The following ZNF564 variants were observed in gnomAD, a reference collection of about 807,000 sequenced individuals.
ZNF564 encodes the protein zinc finger protein 564.
ZNF564 carries 5 observed loss-of-function variants against 10.5 expected under a neutral mutation model. That is an observed-to-expected ratio of 0.48 (90% CI 0.25 to 1.00). The LOEUF (loss-of-function observed/expected upper bound fraction) is 1.00. Ranked by LOEUF, ZNF564 falls within the 50% of genes least tolerant of loss-of-function variation. The pLI is 0.16. For synonymous variants in ZNF564, 242 were observed against 218.1 expected (o/e 1.11, Z -0.97); for missense variants, 603 against 669.7 (o/e 0.90, Z 1.10).
chr19:12,536,349 G>A (rs1459246964), intron 1 of ZNF564, among the ~76,000 whole-genome samples: 1 of 152,050 alleles, frequency 6.6e-6, no homozygotes, highest in East Asian at 1.9e-4. Context: ...GGAAATTTTT[G>A]TATTTTTTGT....
At chr19:12,540,221 A>G (rs1418198002) in intron 1 of ZNF564, among the ~76,000 whole-genome samples, 1 of 152,198 alleles carries the variant, frequency 6.6e-6, no homozygotes, top group East Asian at 1.9e-4. Context: ...CAAGTGGGGC[A>G]TGTGGTGAGA....
chr19:12,531,687 A>G (rs926974208), intron 1 of ZNF564, among the ~76,000 whole-genome samples: 1 of 152,190 alleles, frequency 6.6e-6, no homozygotes, highest in African/African-American at 2.4e-5. Flanking sequence ...CTAACAAATC[A>G]TATGATTACA....
At chr19:12,549,953 T>C (rs1293654256) in intron 1 of ZNF564, among the ~76,000 whole-genome samples, 2 of 152,172 alleles carry the variant, frequency 1.3e-5, no homozygotes, top group East Asian at 3.8e-4. Context: ...ACATTCTGAT[T>C]AGGCGTCGGG....
intron 1 of ZNF564, among the ~76,000 whole-genome samples, chr19:12,543,355 G>A (rs118067698): frequency 0.054 from 8,029 of 149,144 alleles, 238 homozygotes; most frequent in African/African-American, 0.077. Flanking sequence ...AAGGGGAAGG[G>A]GAAGGGGAAA....
chr19:12,533,421 T>A (rs2021846094), intron 1 of ZNF564, among the ~76,000 whole-genome samples: 1 of 152,200 alleles, frequency 6.6e-6, no homozygotes, highest in South Asian at 2.1e-4. Flanking sequence ...GGGTTTATAA[T>A]GAATCATCTA....
Position 12,526,997 on chromosome 19 carries a change from C to T in ZNF564, c.1111G>A (p.Gly371Arg), listed in dbSNP as rs768579080. Reference sequence around the variant, plus strand: ...CTTGGGAGAGAAATGAAGGCTTTCCCGCATTCCTTACATTCATAGGGCTTC... The same window carrying T: ...CTTGGGAGAGAAATGAAGGCTTTCCTGCATTCCTTACATTCATAGGGCTTC... ...GEKPYECKEC[G>R]KAFISLPSVR... Residue 371 changes from glycine (G) to arginine (R), a missense_variant, in exon 4 of 4, where the codon GGG becomes AGG. Physicochemically the swap from Gly to Arg is moderately radical, Grantham distance 125. Transcript: ENST00000339282. The T allele has an allele frequency of 3.2e-5, 52 of 1,613,742 alleles. No individual in the cohort carries two copies. The East Asian group carries it at 3.6e-4, about 11-fold the overall frequency.
Position 12,528,327 on chromosome 19 carries a change from GTACC to G in ZNF564, c.164_167del (p.Trp55SerfsTer8). ...ACCTTAAAATTCTCCCCTGATTTTT[GTACC>G]AATCTTCAATGCTCTGGTCTTCCCA... On this transcript the variant is annotated frameshift_variant, in exon 3 of 4. Coordinates refer to ENST00000339282, the MANE Select transcript of ZNF564 (RefSeq NM_144976.4). LOFTEE classifies it low-confidence loss of function (END_TRUNC). 1 of 1,610,124 alleles carries G rather than the reference GTACC, an allele frequency of 6.2e-7. No homozygotes were observed. Among genetic ancestry groups the G allele is most frequent in the Non-Finnish European group, 8.5e-7 (1 of 1,179,154 alleles).
In ZNF564 at chr19:12,526,786, A is replaced by C; in HGVS notation, c.1322T>G (p.Ile441Arg). Reference protein sequence around the residue: ...ISLKRIRKHMILHTGDGPYKC... With the variant: ...ISLKRIRKHMRLHTGDGPYKC... ...ATAAGGTCCATCTCCAGTGTGCAGT[A>C]TCATATGTTTTCTAATCCTTTTAAG... Residue 441 changes from isoleucine (I) to arginine (R), a missense_variant, in exon 4 of 4, where the codon ATA becomes AGA. By Grantham distance (97) the Ile-to-Arg change is moderately conservative. Transcript: ENST00000339282. 1 of 1,614,096 alleles carries C rather than the reference A, an allele frequency of 6.2e-7. No individual in the cohort carries two copies. The highest frequency in any genetic ancestry group is 8.5e-7 in the Non-Finnish European group (1 of 1,180,018).
chr19:12,529,135 T>A (rs1319166705), intron 1 of ZNF564, among the ~76,000 whole-genome samples: 1 of 152,188 alleles, frequency 6.6e-6, no homozygotes, highest in South Asian at 2.1e-4. Flanking sequence ...ATTTATTTTA[T>A]GATAAATAAA....
intron 1 of ZNF564, among the ~76,000 whole-genome samples, chr19:12,530,868 G>A (rs146875740): frequency 0.013 from 1,935 of 152,258 alleles, 13 homozygotes; most frequent in Middle Eastern, 0.027. Context: ...CTGGGCTCAT[G>A]TGATCCTCCC....
At position 12,527,678 on chromosome 19, in the gene ZNF564, T is replaced by C; in HGVS notation, c.430A>G (p.Lys144Glu). The C allele has an allele frequency of 6.2e-7, 1 of 1,614,174 alleles. No homozygotes were observed. The highest frequency in any genetic ancestry group is 1.1e-5 in the South Asian group (1 of 91,080). ...QEYGEKPYKC[K>E]QCGKAFSSCQ... ...GAACTGAAGGCTTTCCCACACTGCT[T>C]ACATTTATATGGTTTCTCTCCATAT... Residue 144 changes from lysine to glutamate, a missense_variant, in exon 4 of 4, where the codon AAG becomes GAG. Coordinates refer to ENST00000339282, the MANE Select transcript of ZNF564 (RefSeq NM_144976.4).
chr19:12,541,716 C>T (rs1229536782), intron 1 of ZNF564, among the ~76,000 whole-genome samples: 1 of 151,650 alleles, frequency 6.6e-6, no homozygotes, highest in Non-Finnish European at 1.5e-5. Flanking sequence ...TGTTATTAAA[C>T]TTAAGAAATG....
Position 12,526,351 on chromosome 19 carries a change from A to C in ZNF564, c.*95T>G. On this transcript the variant is annotated 3_prime_UTR_variant, in exon 4 of 4. Coordinates refer to ENST00000339282, the MANE Select transcript of ZNF564 (RefSeq NM_144976.4). ...ATTCCAAAAGTGAGAAACAGGAGAA[A>C]GGGGTGAGCTCCCAAACAAGTCTGA... The C allele has an allele frequency of 4.8e-6, 6 of 1,254,630 alleles. No homozygotes were observed. The highest frequency in any genetic ancestry group is 6.6e-6 in the Non-Finnish European group (6 of 907,612). 77.7% of individuals were successfully genotyped at this position (1,254,630 alleles called of 1,614,324 possible).
chr19:12,529,095 G>A (rs545572119), intron 1 of ZNF564, among the ~76,000 whole-genome samples: 7 of 152,126 alleles, frequency 4.6e-5, no homozygotes, highest in African/African-American at 1.7e-4. Context: ...AAACAAAAAA[G>A]TCGACAAAAC....
At chr19:12,533,855 A>G (rs2021857117) in intron 1 of ZNF564, among the ~76,000 whole-genome samples, 1 of 151,178 alleles carries the variant, frequency 6.6e-6, no homozygotes, top group African/African-American at 2.4e-5. Flanking sequence ...AGTCAATGAA[A>G]TGGCAGGAAA....
chr19:12,527,762 A>G lies in ZNF564; in HGVS notation c.346T>C (p.Ser116Pro). 6.2e-7 allele frequency: 1 copy of G among 1,614,052 alleles called. No homozygotes were observed. The highest frequency in any genetic ancestry group is 8.5e-7 in the Non-Finnish European group (1 of 1,180,022). The change falls in exon 4 of 4, where the codon TCA (serine) becomes CCA (proline). Residue 116 changes from serine to proline, a missense_variant. Transcript: ENST00000339282. ...GATCTGATGTGCCTACTAAGGGATG[A>G]ATGATGCATGAAGACTTTCCCACAC... ...SLCGKVFMHH[S>P]SLSRHIRSHL...
intron 1 of ZNF564, among the ~76,000 whole-genome samples, chr19:12,541,145 G>A (rs1243253281): frequency 6.7e-6 from 1 of 148,318 alleles, no homozygotes; most frequent in Non-Finnish European, 1.5e-5. Context: ...AGCTACTCAA[G>A]AGGCTCGAGG....
At chr19:12,530,513 A>AG (rs746189001) in intron 1 of ZNF564, among the ~76,000 whole-genome samples, 6 of 152,178 alleles carry the variant, frequency 3.9e-5, no homozygotes, top group Non-Finnish European at 8.8e-5. Flanking sequence ...ATACATAACA[A>AG]GGTACCCTAT....
intron 1 of ZNF564, among the ~76,000 whole-genome samples, chr19:12,544,752 G>C (rs561836225): frequency 3.9e-5 from 6 of 152,172 alleles, no homozygotes; most frequent in Non-Finnish European, 8.8e-5. Flanking sequence ...AAAGGCATCT[G>C]CCCAGATTCC....
Sources: gnomAD v4.1 joint callset for allele counts (sites outside exome capture counted in the v4.1 genomes callset) on GRCh38, gnomAD v4.1.1 for gene constraint, MANE v1.5 for transcripts, NCBI Gene and HGNC (gene_info 2026-07-23, HGNC 2026-07-21) for gene names.